Variants in DOK6 observed in about 807,000 individuals in gnomAD.
The protein encoded by DOK6 is downstream of tyrosine kinase 6.
A neutral mutation model predicts 44.0 loss-of-function variants in DOK6; 22 were observed. The ratio of observed to expected loss-of-function variants is 0.50; its 90% CI spans 0.36 to 0.71. The LOEUF (loss-of-function observed/expected upper bound fraction) is 0.71, where lower values mean the gene tolerates loss of function less well. DOK6 is among the 30% of genes least tolerant of loss of function. The pLI is 0.00. For synonymous variants in DOK6, 166 were observed against 145.5 expected, an observed-to-expected ratio of 1.14 and a Z score of -1.01; for missense variants, 340 against 416.4, an observed-to-expected ratio of 0.82 and a Z score of 1.60.
intron 4 of DOK6, among the ~76,000 whole-genome samples, chr18:69,688,395 C>T (rs561734726): frequency 3.3e-5 from 5 of 152,264 alleles, no homozygotes; most frequent in Non-Finnish European, 7.4e-5. Context: ...AAAGGAAAAG[C>T]CAAGTTGAAA....
At chr18:69,605,476 T>G (rs1054702004) in intron 3 of DOK6, among the ~76,000 whole-genome samples, 2 of 152,154 alleles carry the variant, frequency 1.3e-5, no homozygotes, top group Non-Finnish European at 2.9e-5. Context: ...TGCTGTCTTT[T>G]CCTTGAGGTC....
chr18:69,466,957 T>G (rs1400885123), intron 1 of DOK6, among the ~76,000 whole-genome samples: 1 of 152,150 alleles, frequency 6.6e-6, no homozygotes, highest in East Asian at 1.9e-4. Flanking sequence ...TGTTTTCACT[T>G]TTCTTTTTTT....
At chr18:69,768,709 G>A (rs1475093316) in intron 7 of DOK6, among the ~76,000 whole-genome samples, 2 of 151,218 alleles carry the variant, frequency 1.3e-5, no homozygotes, top group Non-Finnish European at 2.9e-5. Flanking sequence ...AATTACACTT[G>A]CCAGAGAATA....
intron 1 of DOK6, among the ~76,000 whole-genome samples, chr18:69,481,859 T>TA (rs1980433854): frequency 6.6e-6 from 1 of 152,194 alleles, no homozygotes; most frequent in Non-Finnish European, 1.5e-5. Flanking sequence ...AGTGTTCCTA[T>TA]TTCTCCACAT....
At chr18:69,652,859 G>T (rs4243314) in intron 3 of DOK6, among the ~76,000 whole-genome samples, 65,422 of 152,012 alleles carry the variant, frequency 0.43, 14,464 homozygotes, top group Admixed American at 0.53. Flanking sequence ...GCATAGAGAT[G>T]ATTCTAGCTG....
intron 3 of DOK6, among the ~76,000 whole-genome samples, chr18:69,622,545 T>G (rs1984466451): frequency 6.6e-6 from 1 of 152,218 alleles, no homozygotes; most frequent in South Asian, 2.1e-4. Flanking sequence ...TTTCTGTCTT[T>G]AAATGTACTA....
At chr18:69,518,832 A>C (rs1444362681) in intron 1 of DOK6, among the ~76,000 whole-genome samples, 4 of 152,174 alleles carry the variant, frequency 2.6e-5, no homozygotes, top group African/African-American at 9.6e-5. Flanking sequence ...TAGTGTCTTT[A>C]AATTATGTAT....
chr18:69,560,269 C>A (rs1484726872), intron 1 of DOK6, among the ~76,000 whole-genome samples: 1 of 152,208 alleles, frequency 6.6e-6, no homozygotes, highest in Non-Finnish European at 1.5e-5. Flanking sequence ...TTAGGCATTA[C>A]AATATCACAT....
chr18:69,581,120 C>T (rs912330103), intron 2 of DOK6, among the ~76,000 whole-genome samples: 9 of 152,306 alleles, frequency 5.9e-5, no homozygotes, highest in Admixed American at 5.2e-4. Flanking sequence ...ACCTGGGAAC[C>T]GCTCTTTCTT....
chr18:69,701,946 G>A (rs2144706349), intron 5 of DOK6, among the ~76,000 whole-genome samples: 1 of 152,146 alleles, frequency 6.6e-6, no homozygotes, highest in Non-Finnish European at 1.5e-5. Context: ...GCATAACCAA[G>A]TGGTTAAGAG....
At chr18:69,458,275 A>G (rs934895972) in intron 1 of DOK6, among the ~76,000 whole-genome samples, 1 of 152,252 alleles carries the variant, frequency 6.6e-6, no homozygotes, top group Non-Finnish European at 1.5e-5. Context: ...TTCACCACAT[A>G]AAAAGAATTA....
At chr18:69,578,524 G>GTAC (rs1224355232) in intron 2 of DOK6, among the ~76,000 whole-genome samples, 2 of 152,136 alleles carry the variant, frequency 1.3e-5, no homozygotes, top group Non-Finnish European at 2.9e-5. Context: ...AGAATGTTCG[G>GTAC]TACTGCAACA....
chr18:69,795,100 G>A (rs916284438), intron 7 of DOK6, among the ~76,000 whole-genome samples: 6 of 152,062 alleles, frequency 3.9e-5, no homozygotes, highest in African/African-American at 1.4e-4. Flanking sequence ...TGGAAAAATT[G>A]TCTTCCATGA....
intron 1 of DOK6, among the ~76,000 whole-genome samples, chr18:69,537,544 A>G (rs1300824774): frequency 1.3e-5 from 2 of 152,196 alleles, no homozygotes. Context: ...TAACTGATTG[A>G]ATTGCATTTA....
At chr18:69,485,215 A>G (rs546161684) in intron 1 of DOK6, among the ~76,000 whole-genome samples, 2 of 152,276 alleles carry the variant, frequency 1.3e-5, no homozygotes, top group Admixed American at 1.3e-4. Context: ...CTGGATTCCC[A>G]GTGGTTCCAT....
chr18:69,502,370 A>T (rs1233007295), intron 1 of DOK6, among the ~76,000 whole-genome samples: 1 of 152,104 alleles, frequency 6.6e-6, no homozygotes, highest in Non-Finnish European at 1.5e-5. Context: ...ACTGTGGGCC[A>T]AGAACAGAAT....
chr18:69,708,399 CT>C (rs2144712627), intron 5 of DOK6, among the ~76,000 whole-genome samples: 1 of 152,244 alleles, frequency 6.6e-6, no homozygotes, highest in East Asian at 1.9e-4. Context: ...TTCTGTTAAC[CT>C]TTCCAAGGCT....
intron 1 of DOK6, among the ~76,000 whole-genome samples, chr18:69,428,346 T>C (rs1014084756): frequency 6.6e-6 from 1 of 152,078 alleles, no homozygotes; most frequent in Non-Finnish European, 1.5e-5. Context: ...GTTTATGTCT[T>C]CATTCATTCA....
At chr18:69,407,304 A>T (rs1257013890) in intron 1 of DOK6, among the ~76,000 whole-genome samples, 1 of 152,368 alleles carries the variant, frequency 6.6e-6, no homozygotes, top group East Asian at 1.9e-4. Context: ...AATTATCTGT[A>T]GTCCCACCAT....
Sources: allele counts gnomAD v4.1 joint callset (sites outside exome capture counted in the v4.1 genomes callset), GRCh38; gene constraint gnomAD v4.1.1; transcripts MANE v1.5; gene names NCBI Gene and HGNC (gene_info 2026-07-23, HGNC 2026-07-21).